SSBP2: variants seen among roughly 807,000 people sequenced by gnomAD.
SSBP2 encodes the protein single stranded DNA binding protein 2, also known as single-stranded DNA-binding protein 2.
SSBP2 carries 17 observed loss-of-function variants against 61.8 expected under a neutral mutation model. The ratio of observed to expected loss-of-function variants is 0.28; its 90% CI spans 0.19 to 0.41. The LOEUF is 0.41. Ranked by LOEUF, SSBP2 falls within the 10% of genes least tolerant of loss-of-function variation. The pLI, the probability that SSBP2 is intolerant of heterozygous loss-of-function variation, is 1.00. For missense variants in SSBP2, 310 were observed against 458.7 expected (o/e 0.68, Z 2.96); for synonymous variants, 139 against 141.3 (o/e 0.98, Z 0.12).
At position 81,420,484 on chromosome 5, in the gene SSBP2, T is replaced by C; in HGVS notation, c.*20A>G. 6.2e-7 allele frequency: 1 copy of C among 1,612,342 alleles called. No homozygotes were observed. ...AAGGGCTGACTCACTGTGGTTTTCA[T>C]GAGGAGACTTGGTAATGGATCACAC... is the stretch of plus-strand genomic sequence containing the variant. On this transcript the variant is annotated 3_prime_UTR_variant, in exon 17 of 17. Transcript: ENST00000320672.
At chr5:81,529,520 G>A (rs1229420018) in intron 4 of SSBP2, among the ~76,000 whole-genome samples, 1 of 152,056 alleles carries the variant, frequency 6.6e-6, no homozygotes, top group Non-Finnish European at 1.5e-5. Context: ...GGAGACTAGT[G>A]CTCTACTAAA....
At chr5:81,591,919 A>G (rs951859792) in intron 4 of SSBP2, among the ~76,000 whole-genome samples, 3 of 152,346 alleles carry the variant, frequency 2.0e-5, no homozygotes, top group Admixed American at 1.3e-4. Context: ...GACACAGAAA[A>G]TGGGTGATTT....
upstream of SSBP2, chr5:81,751,133 A>G: frequency 1.5e-6 from 2 of 1,363,832 alleles, no homozygotes; most frequent in Non-Finnish European, 2.0e-6. Context: ...CGACCCACGC[A>G]GCCACCCCCA....
chr5:81,436,022 T>C (rs1439995413), intron 15 of SSBP2, among the ~76,000 whole-genome samples: 4 of 151,966 alleles, frequency 2.6e-5, no homozygotes, highest in Non-Finnish European at 5.9e-5. Flanking sequence ...ACCCCATCTC[T>C]ACTAAAAATA....
intron 1 of SSBP2, among the ~76,000 whole-genome samples, chr5:81,743,508 C>T (rs961569875): frequency 2.6e-5 from 4 of 152,122 alleles, no homozygotes; most frequent in African/African-American, 9.7e-5. Context: ...ATATATTTCT[C>T]CTTCAACCTT....
At chr5:81,495,361 T>A (rs1418238545) in intron 5 of SSBP2, among the ~76,000 whole-genome samples, 2 of 152,214 alleles carry the variant, frequency 1.3e-5, no homozygotes, top group Non-Finnish European at 2.9e-5. Context: ...TTTCTAACAT[T>A]GTCAATAGAA....
chr5:81,518,704 C>T (rs1282822842), intron 4 of SSBP2, among the ~76,000 whole-genome samples: 1 of 152,032 alleles, frequency 6.6e-6, no homozygotes, highest in Non-Finnish European at 1.5e-5. Flanking sequence ...ATGTTGGCAA[C>T]TTTAGTGTAA....
intron 3 of SSBP2, among the ~76,000 whole-genome samples, chr5:81,630,081 A>G (rs1349947041): frequency 2.0e-5 from 3 of 152,226 alleles, no homozygotes; most frequent in Non-Finnish European, 4.4e-5. Flanking sequence ...TGGAAATGAG[A>G]AGAAGTCATA....
At chr5:81,440,487 T>C (rs778593088) in intron 14 of SSBP2, 71 bp downstream of exon 14, 18 of 1,333,944 alleles carry the variant, frequency 1.3e-5, no homozygotes, top group Non-Finnish European at 1.6e-5. Context: ...CTTTGGAAAC[T>C]GTAATATGCA....
intron 4 of SSBP2, among the ~76,000 whole-genome samples, chr5:81,578,880 A>C (rs1479508283): frequency 6.6e-6 from 1 of 152,016 alleles, no homozygotes; most frequent in African/African-American, 2.4e-5. Context: ...CACACTCCCT[A>C]AGTAACAATC....
rs76007322 is a variant in SSBP2, at chr5:81,689,525, C to A, written c.63-39186G>T. Among the ~76,000 whole-genome samples, 1,515 of 151,690 alleles carry A rather than the reference C, an allele frequency of 1.0e-2. 23 individuals are homozygous for A. The highest frequency in any genetic ancestry group is 0.035 in the African/African-American group (1,440 of 41,386). On this transcript the variant is annotated intron_variant, in intron 1 of 16. Coordinates refer to ENST00000320672, the MANE Select transcript of SSBP2 (RefSeq NM_012446.5). ...CTCTAATACATCTGACAGCAGATTT[C>A]TCAGCTGAAACCTTACAGGCCAGGA...
intron 4 of SSBP2, among the ~76,000 whole-genome samples, chr5:81,570,060 C>T (rs542647208): frequency 6.6e-6 from 1 of 151,918 alleles, no homozygotes; most frequent in Admixed American, 6.6e-5. Context: ...TAACAGTAAA[C>T]CCTTATAATT....
At chr5:81,610,295 C>A (rs1019133229) in intron 4 of SSBP2, among the ~76,000 whole-genome samples, 10 of 152,188 alleles carry the variant, frequency 6.6e-5, no homozygotes, top group Admixed American at 3.3e-4. Context: ...ATTATGTCTA[C>A]CAAAATCACT....
At chr5:81,428,414 G>A (rs533170020) in intron 16 of SSBP2, among the ~76,000 whole-genome samples, 171 bp downstream of exon 16, 1 of 152,090 alleles carries the variant, frequency 6.6e-6, no homozygotes, top group Admixed American at 6.5e-5. Flanking sequence ...AAAAGAAAAA[G>A]TTTGTTTTAA....
At chr5:81,624,550 C>A (rs1746944902) in intron 3 of SSBP2, among the ~76,000 whole-genome samples, 2 of 152,070 alleles carry the variant, frequency 1.3e-5, no homozygotes, top group South Asian at 4.1e-4. Flanking sequence ...TGTTGGCACT[C>A]AAAAGTTTTA....
intron 4 of SSBP2, among the ~76,000 whole-genome samples, chr5:81,532,227 T>C (rs186430741): frequency 2.0e-5 from 3 of 152,208 alleles, no homozygotes; most frequent in African/African-American, 7.2e-5. Flanking sequence ...AGGCCAGATG[T>C]GAAAATTAAT....
At chr5:81,465,066 T>A (rs1487999281) in intron 9 of SSBP2, among the ~76,000 whole-genome samples, 1 of 151,928 alleles carries the variant, frequency 6.6e-6, no homozygotes, top group Non-Finnish European at 1.5e-5. Context: ...GAGGAAAATA[T>A]TTACAAGTGT....
chr5:81,476,949 C>T (rs1038662939), intron 6 of SSBP2, among the ~76,000 whole-genome samples: 2 of 152,020 alleles, frequency 1.3e-5, no homozygotes, highest in African/African-American at 4.8e-5. Flanking sequence ...TTTCAATAGT[C>T]AAATTATCTC....
At chr5:81,432,599 A>C (rs1470464101) in intron 15 of SSBP2, among the ~76,000 whole-genome samples, 1 of 152,042 alleles carries the variant, frequency 6.6e-6, no homozygotes, top group Non-Finnish European at 1.5e-5. Context: ...TACAAAAATT[A>C]GCCGGGTATG....
Sources: allele counts gnomAD v4.1 joint callset (sites outside exome capture counted in the v4.1 genomes callset), GRCh38; gene constraint gnomAD v4.1.1; transcripts MANE v1.5; gene names NCBI Gene and HGNC (gene_info 2026-07-23, HGNC 2026-07-21).